Variants in LARGE1 observed in about 807,000 individuals in gnomAD.
The protein encoded by LARGE1 is LARGE xylosyl- and glucuronyltransferase 1.
Under a neutral mutation model 87.6 loss-of-function variants are expected in LARGE1, and 43 were observed. The ratio of observed to expected loss-of-function variants is 0.49; its 90% CI spans 0.38 to 0.63. LARGE1 has a LOEUF of 0.63. LARGE1 is among the 30% of genes least tolerant of loss of function. The pLI, the probability that LARGE1 is intolerant of heterozygous loss-of-function variation, is 0.00. For missense variants in LARGE1, 802 were observed against 1,000.2 expected (o/e 0.80, Z 2.67); for synonymous variants, 434 against 394.6 (o/e 1.10, Z -1.18).
At chr22:33,735,837 T>C (rs1004517026) in intron 2 of LARGE1, among the ~76,000 whole-genome samples, 3 of 152,180 alleles carry the variant, frequency 2.0e-5, no homozygotes, top group African/African-American at 7.2e-5. Flanking sequence ...ATCTACTTTC[T>C]ATCTCTATGG....
intron 2 of LARGE1, among the ~76,000 whole-genome samples, chr22:33,719,531 A>ATATTT (rs1556011066): frequency 1.6e-3 from 237 of 149,824 alleles, no homozygotes; most frequent in African/African-American, 5.6e-3. Context: ...TTATTTATTT[A>ATATTT]TTTTTTTGAG....
At chr22:33,817,107 C>T (rs1016978657) in intron 1 of LARGE1, among the ~76,000 whole-genome samples, 1 of 152,148 alleles carries the variant, frequency 6.6e-6, no homozygotes, top group East Asian at 1.9e-4. Context: ...TACATGCATA[C>T]ACATATACAT....
At chr22:33,218,310 A>G (rs1341881452) in intron 11 of LARGE1, among the ~76,000 whole-genome samples, 1 of 152,116 alleles carries the variant, frequency 6.6e-6, no homozygotes, top group East Asian at 1.9e-4. Context: ...TATTCCAACC[A>G]TATTAAACAT....
intron 3 of LARGE1, among the ~76,000 whole-genome samples, chr22:33,644,544 G>A (rs1171569625): frequency 6.6e-6 from 1 of 152,174 alleles, no homozygotes; most frequent in Non-Finnish European, 1.5e-5. Context: ...TTAACATAGT[G>A]TTGGAAGTTC....
intron 6 of LARGE1, among the ~76,000 whole-genome samples, chr22:33,525,482 C>T (rs1602255256): frequency 6.6e-6 from 1 of 152,168 alleles, no homozygotes; most frequent in Non-Finnish European, 1.5e-5. Flanking sequence ...TGTTGCATGT[C>T]ACTGAGAGTA....
intron 4 of LARGE1, among the ~76,000 whole-genome samples, chr22:33,620,492 T>C (rs993759433): frequency 3.3e-5 from 5 of 152,212 alleles, no homozygotes; most frequent in African/African-American, 9.7e-5. Flanking sequence ...CAGACGTGTA[T>C]TGTGCTATTT....
chr22:33,321,499 A>C (rs1215997775), intron 10 of LARGE1, among the ~76,000 whole-genome samples: 1 of 152,268 alleles, frequency 6.6e-6, no homozygotes, highest in African/African-American at 2.4e-5. Flanking sequence ...GCAGAAGAGC[A>C]CAAGAAATTA....
rs2081873290 is a variant in LARGE1 at position 33,684,181 on chromosome 22, T to G, written c.107-33513A>C. ...TTGCACGTTGTACACCCGGTGAATG[T>G]GGAATGTGTTTGGGGAAGGAACACT... On this transcript the variant is annotated intron_variant, in intron 2 of 14. Transcript: ENST00000397394. Among the ~76,000 whole-genome samples the G allele has an allele frequency of 1.3e-5, 2 of 152,048 alleles. 1 individual carries two copies. The highest frequency in any genetic ancestry group is 1.3e-4 in the Admixed American group (2 of 15,282).
chr22:33,582,203 C>T (rs896385517), intron 5 of LARGE1, among the ~76,000 whole-genome samples: 1 of 152,066 alleles, frequency 6.6e-6, no homozygotes, highest in Non-Finnish European at 1.5e-5. Context: ...GGACAGCCCC[C>T]GCAACAAAAA....
intron 1 of LARGE1, among the ~76,000 whole-genome samples, chr22:33,894,805 T>C (rs1435072498): frequency 6.6e-6 from 1 of 152,138 alleles, no homozygotes; most frequent in East Asian, 1.9e-4. Flanking sequence ...CTCATCAGGC[T>C]GTTGGGAAAA....
chr22:33,542,099 T>G lies in LARGE1; in HGVS notation c.787+22749A>C, dbSNP rs567149394. On this transcript the variant is annotated intron_variant, in intron 6 of 14. Transcript: ENST00000397394. Reference sequence around the variant, plus strand: ...AACCCTTGAACCAAGGAGGTAGAGGTTGCATTGAGCCGAGATCGCACCACT... The same window carrying G: ...AACCCTTGAACCAAGGAGGTAGAGGGTGCATTGAGCCGAGATCGCACCACT... 6.3e-3 allele frequency among the ~76,000 whole-genome samples: 931 copies of G among 148,046 alleles called. 8 individuals are homozygous for G. The highest frequency in any genetic ancestry group is 8.8e-3 in the Non-Finnish European group (596 of 67,462).
intron 5 of LARGE1, among the ~76,000 whole-genome samples, chr22:33,576,125 C>G (rs571916539): frequency 5.9e-5 from 9 of 152,182 alleles, no homozygotes; most frequent in Non-Finnish European, 1.3e-4. Context: ...ATTTTAGAAG[C>G]TGCAATTCTT....
chr22:33,482,332 C>T (rs912996979), intron 6 of LARGE1, among the ~76,000 whole-genome samples: 1 of 152,116 alleles, frequency 6.6e-6, no homozygotes. Context: ...TTTTTCCTTT[C>T]TTCTGTTTTT....
At chr22:33,089,371 C>CTTCTTCTTCTTCTTCTT in the LARGE1 span, among the ~76,000 whole-genome samples, 1 of 76,048 alleles carries the variant, frequency 1.3e-5, no homozygotes, top group Admixed American at 1.3e-4. Context: ...TTCTTCTTCT[C>CTTCTTCTTCTTCTTCTT]CTTCTTCTTC....
chr22:33,089,368 T>TCTC, the LARGE1 span, among the ~76,000 whole-genome samples: 11 of 78,286 alleles, frequency 1.4e-4, no homozygotes, highest in Non-Finnish European at 1.9e-4. Context: ...TTCTTCTTCT[T>TCTC]CTCCTTCTTC....
chr22:33,568,741 G>A (rs1358278214), intron 5 of LARGE1, among the ~76,000 whole-genome samples: 1 of 102,778 alleles, frequency 9.7e-6, no homozygotes, highest in Non-Finnish European at 2.2e-5. Context: ...ACTCCAGCCT[G>A]GGCAACAAAA....
chr22:33,346,304 TTTC>T (rs1421272666), intron 9 of LARGE1, among the ~76,000 whole-genome samples: 4 of 151,450 alleles, frequency 2.6e-5, no homozygotes, highest in African/African-American at 4.9e-5. Flanking sequence ...CCTTCTTCTT[TTTC>T]TTTTTTTTTT....
At chr22:33,124,592 C>T in the LARGE1 span, among the ~76,000 whole-genome samples, 1 of 152,180 alleles carries the variant, frequency 6.6e-6, no homozygotes, top group South Asian at 2.1e-4. Context: ...CTCTCACTAT[C>T]TCACCAACCA....
chr22:33,846,385 A>T (rs898736689), intron 1 of LARGE1, among the ~76,000 whole-genome samples: 1 of 152,184 alleles, frequency 6.6e-6, no homozygotes, highest in African/African-American at 2.4e-5. Flanking sequence ...TCTTTACTTT[A>T]ATCTCTTAAT....
Sources: gnomAD v4.1 joint callset for allele counts (sites outside exome capture counted in the v4.1 genomes callset) on GRCh38, gnomAD v4.1.1 for gene constraint, MANE v1.5 for transcripts, NCBI Gene and HGNC (gene_info 2026-07-23, HGNC 2026-07-21) for gene names.